The following HPSE2 variants were observed in gnomAD, a reference collection of about 807,000 sequenced individuals.
The protein encoded by HPSE2 is inactive heparanase-2.
Under a neutral mutation model 60.5 loss-of-function variants are expected in HPSE2, and 38 were observed. The observed-to-expected ratio is 0.63, with a 90% CI of 0.48 to 0.82. HPSE2 has a LOEUF of 0.82. Ranked by LOEUF, HPSE2 falls within the 40% of genes least tolerant of loss-of-function variation. The pLI is 0.00. For missense variants in HPSE2, 713 were observed against 740.4 expected, an observed-to-expected ratio of 0.96 and a Z score of 0.43; for synonymous variants, 295 against 293.2, an observed-to-expected ratio of 1.01 and a Z score of -0.06.
intron 9 of HPSE2, among the ~76,000 whole-genome samples, chr10:98,541,088 G>A (rs1042183385): frequency 1.4e-4 from 22 of 151,998 alleles, no homozygotes; most frequent in African/African-American, 4.1e-4. Context: ...ATTTAGAGTG[G>A]GGTAAATGTT....
chr10:98,574,282 T>G (rs1944582146), intron 9 of HPSE2, among the ~76,000 whole-genome samples: 1 of 151,756 alleles, frequency 6.6e-6, no homozygotes, highest in Non-Finnish European at 1.5e-5. Context: ...TTAAAAAACG[T>G]AGATCTACAT....
chr10:99,185,298 CTG>C (rs1170516336), intron 2 of HPSE2, among the ~76,000 whole-genome samples: 1 of 151,730 alleles, frequency 6.6e-6, no homozygotes, highest in Non-Finnish European at 1.5e-5. Context: ...AGCAAAGACT[CTG>C]TCTCAAAAAA....
rs150642331 is a variant in HPSE2 at position 98,642,394 on chromosome 10, C to T, written c.1005-454G>A. Among the ~76,000 whole-genome samples, 50 of 152,168 alleles carry T rather than the reference C, an allele frequency of 3.3e-4. No individual in the cohort carries two copies. The East Asian group carries it at 3.7e-3, about 11-fold the overall frequency. On this transcript the variant is annotated intron_variant, in intron 6 of 11. Transcript: ENST00000370552. ...ATATCTTTAAATAAGAAAATAAACA[C>T]GAAAGCAAAAATCTGACTTAGTGTA... is the stretch of plus-strand genomic sequence containing the variant.
intron 3 of HPSE2, among the ~76,000 whole-genome samples, chr10:98,768,182 T>C (rs1950166430): frequency 6.6e-6 from 1 of 152,148 alleles, no homozygotes; most frequent in South Asian, 2.1e-4. Flanking sequence ...GATTTATCAG[T>C]CTTAACAAAG....
intron 2 of HPSE2, among the ~76,000 whole-genome samples, chr10:99,205,272 A>G (rs984923000): frequency 1.3e-5 from 2 of 152,064 alleles, no homozygotes; most frequent in African/African-American, 4.8e-5. Flanking sequence ...AATAGACCAG[A>G]TCTGGTCTGA....
At chr10:98,827,669 G>A (rs1480056392) in intron 3 of HPSE2, among the ~76,000 whole-genome samples, 2 of 152,166 alleles carry the variant, frequency 1.3e-5, no homozygotes, top group Non-Finnish European at 2.9e-5. Context: ...CAAAAGACTG[G>A]AGAAATAGAA....
chr10:98,866,831 A>T (rs1285134934), intron 3 of HPSE2, among the ~76,000 whole-genome samples: 3 of 152,206 alleles, frequency 2.0e-5, no homozygotes, highest in Admixed American at 6.5e-5. Context: ...AAAATGACAG[A>T]AGGACAAATA....
intron 3 of HPSE2, among the ~76,000 whole-genome samples, chr10:98,941,713 G>T (rs1420517744): frequency 1.5e-5 from 2 of 135,474 alleles, no homozygotes. Context: ...TTTCTTCACA[G>T]AATTGGAAAA....
At chr10:99,235,899 T>A (rs1849827716), upstream of HPSE2, 3 of 1,022,772 alleles carry the variant, frequency 2.9e-6, no homozygotes, top group Admixed American at 5.9e-5. Context: ...TTTCCCCCCT[T>A]TTTTTCCCTT....
At chr10:98,919,101 AAGAT>A (rs1293379294) in intron 3 of HPSE2, among the ~76,000 whole-genome samples, 5 of 152,302 alleles carry the variant, frequency 3.3e-5, no homozygotes, top group African/African-American at 1.2e-4. Flanking sequence ...AGTAATATAA[AAGAT>A]AAAGTGATCA....
chr10:99,215,189 G>A (rs1849078088), intron 2 of HPSE2, among the ~76,000 whole-genome samples: 1 of 152,092 alleles, frequency 6.6e-6, no homozygotes, highest in Admixed American at 6.5e-5. Flanking sequence ...GAAAAGACAT[G>A]GAACCAACCC....
intron 3 of HPSE2, among the ~76,000 whole-genome samples, chr10:99,017,605 A>C (rs1957171634): frequency 6.6e-6 from 1 of 152,060 alleles, no homozygotes; most frequent in South Asian, 2.1e-4. Flanking sequence ...AATTAGTACC[A>C]GTTCTTCTTT....
intron 2 of HPSE2, among the ~76,000 whole-genome samples, chr10:99,227,323 G>A (rs1229211786): frequency 1.3e-5 from 2 of 151,776 alleles, no homozygotes; most frequent in African/African-American, 2.4e-5. Flanking sequence ...TGTTACACCA[G>A]GAATTGAAAA....
intron 3 of HPSE2, among the ~76,000 whole-genome samples, chr10:98,781,857 TA>T (rs2134454897): frequency 6.6e-6 from 1 of 151,368 alleles, no homozygotes; most frequent in Admixed American, 6.6e-5. Flanking sequence ...CCAAAAGAAC[TA>T]ATTAGAGATG....
At chr10:98,515,016 G>A (rs956620717) in intron 9 of HPSE2, among the ~76,000 whole-genome samples, 1 of 151,974 alleles carries the variant, frequency 6.6e-6, no homozygotes, top group South Asian at 2.1e-4. Flanking sequence ...GAGCCACCGC[G>A]CCCAGCCCGT....
At chr10:99,202,124 T>C (rs906198800) in intron 2 of HPSE2, among the ~76,000 whole-genome samples, 1 of 152,192 alleles carries the variant, frequency 6.6e-6, no homozygotes, top group African/African-American at 2.4e-5. Flanking sequence ...GATAGAGATA[T>C]AGATATAGAT....
chr10:98,811,431 A>G (rs1028754962), intron 3 of HPSE2, among the ~76,000 whole-genome samples: 3 of 152,178 alleles, frequency 2.0e-5, no homozygotes, highest in Non-Finnish European at 4.4e-5. Flanking sequence ...GTAGGTGCTC[A>G]ATAAATATTT....
intron 3 of HPSE2, among the ~76,000 whole-genome samples, chr10:99,122,496 C>T (rs2135714461): frequency 6.6e-6 from 1 of 151,734 alleles, no homozygotes; most frequent in South Asian, 2.1e-4. Flanking sequence ...GGAATGAATA[C>T]AAGTTTAAAA....
At chr10:98,501,483 T>C (rs1942027330) in intron 9 of HPSE2, among the ~76,000 whole-genome samples, 1 of 152,172 alleles carries the variant, frequency 6.6e-6, no homozygotes, top group Non-Finnish European at 1.5e-5. Context: ...GAAAAAGCAC[T>C]TGACAAAATC....
Sources: allele counts gnomAD v4.1 joint callset (sites outside exome capture counted in the v4.1 genomes callset), GRCh38; gene constraint gnomAD v4.1.1; transcripts MANE v1.5; gene names NCBI Gene and HGNC (gene_info 2026-07-23, HGNC 2026-07-21).